SIRPG: variants seen among roughly 807,000 people sequenced by gnomAD.
The protein encoded by SIRPG is signal-regulatory protein gamma.
A neutral mutation model predicts 35.7 loss-of-function variants in SIRPG; 38 were observed. The ratio of observed to expected loss-of-function variants is 1.06; its 90% CI spans 0.82 to 1.40. SIRPG has a LOEUF of 1.40. SIRPG is among the 40% of genes most tolerant of loss of function. The probability of loss-of-function intolerance (pLI) is 0.00; values close to 1 mark genes in which losing one functional copy is unlikely to be tolerated. For missense variants in SIRPG, 519 were observed against 483.0 expected, an observed-to-expected ratio of 1.07 and a Z score of -0.70; for synonymous variants, 215 against 190.4, an observed-to-expected ratio of 1.13 and a Z score of -1.06.
intron 5 of SIRPG, among the ~76,000 whole-genome samples, chr20:1,629,952 T>C (rs1014015384): frequency 2.0e-5 from 3 of 152,192 alleles, no homozygotes; most frequent in African/African-American, 7.2e-5. Context: ...ACAGATAGCC[T>C]GCAAGGGACC....
the SIRPG span, chr20:1,670,935 G>T: frequency 2.9e-6 from 1 of 341,270 alleles, no homozygotes; most frequent in Admixed American, 3.4e-5. Flanking sequence ...CCTGTAAAGT[G>T]ATGTGGGCCA....
intron 1 of SIRPG, among the ~76,000 whole-genome samples, chr20:1,650,195 T>C (rs549269387): frequency 4.6e-5 from 7 of 151,956 alleles, no homozygotes; most frequent in African/African-American, 1.7e-4. Flanking sequence ...TCTAATGTCT[T>C]GCTTGCATCC....
chr20:1,649,526 C>G, intron 1 of SIRPG, 118 bp from the exon 2 acceptor site: 1 of 834,750 alleles, frequency 1.2e-6, no homozygotes, highest in South Asian at 1.7e-5. Context: ...AGGACTTGAT[C>G]TCAGCACACT....
intron 2 of SIRPG, among the ~76,000 whole-genome samples, chr20:1,648,673 T>C (rs2091915467): frequency 6.6e-6 from 1 of 151,622 alleles, no homozygotes; most frequent in Non-Finnish European, 1.5e-5. Flanking sequence ...AAAAAAAGAA[T>C]ATACTTGGCC....
chr20:1,661,885 G>T (rs2091996911), upstream of SIRPG, among the ~76,000 whole-genome samples: 1 of 152,174 alleles, frequency 6.6e-6, no homozygotes. Context: ...CATGCCAGGG[G>T]TCCCATGACC....
At chr20:1,644,971 C>T (rs931948500) in intron 2 of SIRPG, among the ~76,000 whole-genome samples, 1 of 152,188 alleles carries the variant, frequency 6.6e-6, no homozygotes, top group African/African-American at 2.4e-5. Flanking sequence ...CCTATCACTG[C>T]TGCTTCTAGT....
chr20:1,654,569 A>G (rs987462303), intron 1 of SIRPG, among the ~76,000 whole-genome samples: 2 of 152,244 alleles, frequency 1.3e-5, no homozygotes, highest in African/African-American at 4.8e-5. Flanking sequence ...ATTTAAATGT[A>G]AGATCTGAAA....
In SIRPG at chr20:1,649,074, TG is replaced by T. The variant is rs534962571; in HGVS notation, c.407del (p.Pro136GlnfsTer29). 153 of 1,613,856 alleles carry T rather than the reference TG, an allele frequency of 9.5e-5. No individual in the cohort carries two copies. In the African/African-American group the frequency reaches 1.6e-3, roughly 17 times the overall value. ...CACCACCCAAAGCCATCTCAGTGCCTGGTCCAGACTTAAACTCCACGTTCTC... is the reference window on the plus strand; with the variant it reads ...CACCACCCAAAGCCATCTCAGTGCCTGTCCAGACTTAAACTCCACGTTCTC... ...SPENVEFKSG[P>X]GTEMALGAKP... On this transcript the variant is annotated frameshift_variant, in exon 2 of 6. Transcript: ENST00000303415. LOFTEE classifies it high-confidence loss of function.
chr20:1,658,722 G>A (rs1201487942), upstream of SIRPG, among the ~76,000 whole-genome samples: 1 of 152,150 alleles, frequency 6.6e-6, no homozygotes, highest in Non-Finnish European at 1.5e-5. Flanking sequence ...AACCCAGTAG[G>A]TCATTATTGA....
intron 1 of SIRPG, among the ~76,000 whole-genome samples, chr20:1,656,949 C>T (rs1008942055): frequency 1.2e-4 from 19 of 152,140 alleles, no homozygotes; most frequent in Non-Finnish European, 4.4e-5. Context: ...CTCCCGCAAG[C>T]TTAGTGATCC....
At chr20:1,673,327 A>AG in the SIRPG span, among the ~76,000 whole-genome samples, 1 of 152,026 alleles carries the variant, frequency 6.6e-6, no homozygotes, top group African/African-American at 2.4e-5. Flanking sequence ...CATCCCTGTG[A>AG]GGGGGTCCTA....
chr20:1,629,684 CAT>C (rs1568720614), intron 5 of SIRPG, 48 bp from the exon 6 acceptor site: 1 of 153,574 alleles, frequency 6.5e-6, no homozygotes, highest in Non-Finnish European at 1.4e-5. Flanking sequence ...TCTTTCAAGA[CAT>C]GTTTCCTGAG....
At position 1,636,266 on chromosome 20, in the gene SIRPG, C is replaced by A; in HGVS notation, c.670G>T (p.Val224Phe). ...GTGACATGGGCCACCTCGCAGATGA[C>A]CTGAGAGCGAACGTCCCAGGGGTCC... ...VLDPWDVRSQVICEVAHVTLQ... is the reference protein window; with the variant it reads ...VLDPWDVRSQFICEVAHVTLQ... The change falls in exon 3 of 6, where the codon GTC becomes TTC. Residue 224 changes from valine to phenylalanine, a missense_variant. Transcript: ENST00000303415. 1 of 1,614,216 alleles carries A rather than the reference C, an allele frequency of 6.2e-7. No individual in the cohort carries two copies. Among genetic ancestry groups the A allele is most frequent in the Non-Finnish European group, 8.5e-7 (1 of 1,180,036 alleles).
At chr20:1,679,572 A>G in the SIRPG span, among the ~76,000 whole-genome samples, 2 of 152,100 alleles carry the variant, frequency 1.3e-5, no homozygotes, top group African/African-American at 4.8e-5. Context: ...AGCTCCTTCC[A>G]TATGGCTTCC....
chr20:1,675,377 G>A, the SIRPG span, among the ~76,000 whole-genome samples: 2 of 152,164 alleles, frequency 1.3e-5, no homozygotes, highest in Admixed American at 6.5e-5. Flanking sequence ...GACATATAAT[G>A]AGCCATCTGC....
intron 1 of SIRPG, among the ~76,000 whole-genome samples, chr20:1,656,682 C>T (rs1200925221): frequency 6.6e-6 from 1 of 152,038 alleles, no homozygotes; most frequent in Non-Finnish European, 1.5e-5. Flanking sequence ...GGAAAGACCT[C>T]CCAATCCTGT....
intron 2 of SIRPG, among the ~76,000 whole-genome samples, chr20:1,643,097 T>C (rs2091867335): frequency 6.6e-6 from 1 of 152,212 alleles, no homozygotes; most frequent in Non-Finnish European, 1.5e-5. Context: ...CTATATTTCC[T>C]GAATTTCAAT....
intron 2 of SIRPG, among the ~76,000 whole-genome samples, chr20:1,641,135 G>C (rs2091848814): frequency 6.6e-6 from 1 of 152,182 alleles, no homozygotes. Flanking sequence ...AAATGAGTCA[G>C]GGAGGTGTCC....
the SIRPG span, among the ~76,000 whole-genome samples, chr20:1,676,180 A>G: frequency 2.0e-5 from 3 of 152,170 alleles, no homozygotes; most frequent in African/African-American, 2.4e-5. Context: ...CCCCTTCTCC[A>G]TCTATGTTTA....
Sources: allele counts gnomAD v4.1 joint callset (sites outside exome capture counted in the v4.1 genomes callset), GRCh38; gene constraint gnomAD v4.1.1; transcripts MANE v1.5; gene names NCBI Gene and HGNC (gene_info 2026-07-23, HGNC 2026-07-21).